B4GALT6: variants seen among roughly 807,000 people sequenced by gnomAD.
The protein encoded by B4GALT6 is beta-1,4-galactosyltransferase 6.
A neutral mutation model predicts 46.3 loss-of-function variants in B4GALT6; 14 were observed. The ratio of observed to expected loss-of-function variants is 0.30; its 90% CI spans 0.20 to 0.47. The LOEUF (loss-of-function observed/expected upper bound fraction) is 0.47, where lower values mean the gene tolerates loss of function less well. Ranked by LOEUF, B4GALT6 falls within the 20% of genes least tolerant of loss-of-function variation. The pLI is 0.99. For missense variants in B4GALT6, 386 were observed against 480.1 expected (o/e 0.80, Z 1.83); for synonymous variants, 168 against 162.0 (o/e 1.04, Z -0.28).
intron 6 of B4GALT6, among the ~76,000 whole-genome samples, chr18:31,628,606 G>A (rs1023261254): frequency 3.3e-5 from 5 of 152,204 alleles, no homozygotes; most frequent in African/African-American, 1.2e-4. Flanking sequence ...CACTGTAAAA[G>A]TGGGAGAGAC....
chr18:31,714,208 C>A, the B4GALT6 span, among the ~76,000 whole-genome samples: 1 of 152,200 alleles, frequency 6.6e-6, no homozygotes, highest in East Asian at 1.9e-4. Context: ...AGTAGTCACA[C>A]GTGATGTGTG....
the B4GALT6 span, among the ~76,000 whole-genome samples, chr18:31,701,917 A>T: frequency 6.6e-6 from 1 of 152,160 alleles, no homozygotes; most frequent in Admixed American, 6.5e-5. Flanking sequence ...ATAATATTTT[A>T]AAAAGCACTT....
upstream of B4GALT6, among the ~76,000 whole-genome samples, chr18:31,687,883 A>G (rs1369790642): frequency 1.3e-5 from 2 of 152,178 alleles, no homozygotes; most frequent in Non-Finnish European, 2.9e-5. Flanking sequence ...TATTTTACTT[A>G]GTCTGTGCTG....
At chr18:31,644,028 C>T (rs549514946) in intron 4 of B4GALT6, among the ~76,000 whole-genome samples, 7 of 152,154 alleles carry the variant, frequency 4.6e-5, no homozygotes, top group South Asian at 2.1e-4. Flanking sequence ...TAAATTGGGC[C>T]GCATTTCATA....
chr18:31,653,289 G>A (rs957413810), intron 3 of B4GALT6, among the ~76,000 whole-genome samples: 4 of 151,904 alleles, frequency 2.6e-5, no homozygotes, highest in African/African-American at 9.7e-5. Flanking sequence ...TCCAGTCCGG[G>A]AATACACAGA....
Position 31,638,492 on chromosome 18 carries a change from ATTCCAGCCTGG to A in B4GALT6, c.588+141_588+151del, listed in dbSNP as rs2073890237. 6.2e-6 allele frequency: 4 copies of A among 646,840 alleles called. No homozygotes were observed. In the South Asian group the frequency reaches 6.9e-5, roughly 11 times the overall value. 40.1% of individuals were successfully genotyped at this position (646,840 alleles called of 1,614,324 possible). A position where few individuals can be genotyped will look rare whatever the true frequency, so the allele number is the denominator to read the frequency against. On this transcript the variant is annotated intron_variant, in intron 5 of 8. Transcript: ENST00000306851. ...CAGTGAGCCGAGATCGCGCCACTGC[ATTCCAGCCTGG>A]GCAACACAGCAAGACTCTGTCTCAA...
chr18:31,691,063 G>A, the B4GALT6 span, among the ~76,000 whole-genome samples: 33 of 151,950 alleles, frequency 2.2e-4, no homozygotes, highest in Admixed American at 5.2e-4. Flanking sequence ...CCTAGATGAC[G>A]GGTTGATAGG....
chr18:31,704,693 T>G, the B4GALT6 span, among the ~76,000 whole-genome samples: 1 of 152,292 alleles, frequency 6.6e-6, no homozygotes, highest in Non-Finnish European at 1.5e-5. Context: ...CAATACATAC[T>G]TGTGAATTAA....
chr18:31,703,408 C>G, the B4GALT6 span, among the ~76,000 whole-genome samples: 1 of 152,104 alleles, frequency 6.6e-6, no homozygotes, highest in South Asian at 2.1e-4. Flanking sequence ...AAAAGCCAAC[C>G]ACATCTACTG....
the B4GALT6 span, among the ~76,000 whole-genome samples, chr18:31,699,563 C>G: frequency 3.3e-5 from 5 of 151,066 alleles, no homozygotes; most frequent in African/African-American, 9.7e-5. Context: ...CGTGAGCCAC[C>G]ACGCCCGGCC....
intron 3 of B4GALT6, among the ~76,000 whole-genome samples, chr18:31,651,348 T>C (rs1458764811): frequency 6.6e-6 from 1 of 152,056 alleles, no homozygotes; most frequent in Non-Finnish European, 1.5e-5. Context: ...CATAGTAAGG[T>C]TTCAGCAAAA....
intron 6 of B4GALT6, 129 bp downstream of exon 6, chr18:31,630,830 T>G: frequency 8.2e-6 from 8 of 980,522 alleles, no homozygotes; most frequent in African/African-American, 1.6e-5. Flanking sequence ...GAGGACACGA[T>G]GGAGTTAAAG....
chr18:31,717,420 G>C, the B4GALT6 span, among the ~76,000 whole-genome samples: 1 of 152,034 alleles, frequency 6.6e-6, no homozygotes, highest in Admixed American at 6.6e-5. Context: ...TTTTGATTTG[G>C]GTGATGGCGA....
rs953033370 is a variant in B4GALT6 at position 31,623,722 on chromosome 18, TTTTG to T, written c.*1888_*1891del. The T allele has an allele frequency of 3.9e-5, 6 of 152,216 alleles. No individual in the cohort carries two copies. The highest frequency in any genetic ancestry group is 1.3e-4 in the Admixed American group (2 of 15,296). 9.4% of individuals were successfully genotyped at this position (152,216 alleles called of 1,614,324 possible). On this transcript the variant is annotated 3_prime_UTR_variant, in exon 9 of 9. Coordinates refer to ENST00000306851, the MANE Select transcript of B4GALT6 (RefSeq NM_004775.5). ...GTTCTAAGAAATAAATATGAAAATA[TTTTG>T]TTTGGTATCATAACACAGAAGCTAT...
At position 31,684,342 on chromosome 18, in the gene B4GALT6, G is replaced by C; in HGVS notation, c.85C>G (p.Leu29Val). 2 of 1,613,806 alleles carry C rather than the reference G, an allele frequency of 1.2e-6. No individual in the cohort carries two copies. Among genetic ancestry groups the C allele is most frequent in the Non-Finnish European group, 1.7e-6 (2 of 1,179,904 alleles). ...CCTGGGGCCACATAGATGAAGTACA[G>C]ACAGGACGAAGAGAGGGAGAAGAAG... is the stretch of plus-strand genomic sequence containing the variant. The part of the protein sequence containing the change: ...IFFFSLSSSC[L>V]YFIYVAPGIA... Residue 29 changes from leucine (L) to valine (V), a missense_variant, in exon 1 of 9, where the codon CTG (leucine) becomes GTG (valine). By Grantham distance (32) the Leu-to-Val change is conservative (BLOSUM62 1). Coordinates refer to ENST00000306851, the MANE Select transcript of B4GALT6 (RefSeq NM_004775.5).
At chr18:31,631,191 C>T in intron 5 of B4GALT6, 45 bp from the exon 6 acceptor site, 1 of 1,282,542 alleles carries the variant, frequency 7.8e-7, no homozygotes, top group East Asian at 2.5e-5. Flanking sequence ...TGTACTCACA[C>T]TTCATCATCT....
At chr18:31,643,128 C>G (rs956498650) in intron 4 of B4GALT6, among the ~76,000 whole-genome samples, 2 of 152,068 alleles carry the variant, frequency 1.3e-5, no homozygotes, top group Non-Finnish European at 2.9e-5. Context: ...AACCATTTAA[C>G]TAAATATTTA....
intron 3 of B4GALT6, among the ~76,000 whole-genome samples, chr18:31,652,673 A>G (rs779124115): frequency 2.0e-5 from 3 of 152,222 alleles, no homozygotes; most frequent in Non-Finnish European, 4.4e-5. Context: ...GTTACTCTGT[A>G]TCACACTTCA....
intron 1 of B4GALT6, among the ~76,000 whole-genome samples, chr18:31,668,288 A>G (rs1388865413): frequency 6.6e-6 from 1 of 152,160 alleles, no homozygotes; most frequent in East Asian, 1.9e-4. Flanking sequence ...ATGGCCAGCA[A>G]CAGAAACTGG....
Sources: allele counts gnomAD v4.1 joint callset (sites outside exome capture counted in the v4.1 genomes callset), GRCh38; gene constraint gnomAD v4.1.1; transcripts MANE v1.5; gene names NCBI Gene and HGNC (gene_info 2026-07-23, HGNC 2026-07-21).